The following CCSER1 variants were observed in gnomAD, a reference collection of about 807,000 sequenced individuals.
CCSER1 encodes coiled-coil serine rich protein 1.
Under a neutral mutation model 82.0 loss-of-function variants are expected in CCSER1, and 41 were observed. The observed-to-expected ratio is 0.50, with a 90% CI of 0.39 to 0.65. CCSER1 has a LOEUF of 0.65. Among genes scored for constraint, CCSER1 ranks in the 30% least tolerant of loss-of-function variants. CCSER1 has a pLI of 0.00. For synonymous variants in CCSER1, 414 were observed against 383.9 expected (o/e 1.08, Z -0.92); for missense variants, 1,119 against 1,064.2 (o/e 1.05, Z -0.72).
At chr4:90,859,919 ACAGTT>A (rs201137347) in intron 8 of CCSER1, among the ~76,000 whole-genome samples, 2,348 of 151,810 alleles carry the variant, frequency 0.015, 69 homozygotes, top group African/African-American at 0.053. Flanking sequence ...CTTCACTGAG[ACAGTT>A]GTATTTAAAA....
At chr4:90,612,466 A>G (rs17240838) in intron 5 of CCSER1, among the ~76,000 whole-genome samples, 17,951 of 152,160 alleles carry the variant, frequency 0.12, 1,245 homozygotes, top group Middle Eastern at 0.19. Flanking sequence ...CTACCAATGA[A>G]AAGAAACTTA....
At chr4:91,219,894 T>C (rs1257618234) in intron 10 of CCSER1, among the ~76,000 whole-genome samples, 1 of 152,180 alleles carries the variant, frequency 6.6e-6, no homozygotes, top group East Asian at 1.9e-4. Flanking sequence ...CAAATTTATA[T>C]AGATAGAAAT....
At chr4:90,888,718 GA>G (rs1213520769) in intron 8 of CCSER1, among the ~76,000 whole-genome samples, 2 of 151,842 alleles carry the variant, frequency 1.3e-5, no homozygotes, top group South Asian at 2.1e-4. Context: ...AGATACAAGT[GA>G]AAAAAAATTG....
At chr4:90,401,522 T>C (rs1752874167) in intron 4 of CCSER1, among the ~76,000 whole-genome samples, 1 of 152,164 alleles carries the variant, frequency 6.6e-6, no homozygotes, top group Non-Finnish European at 1.5e-5. Context: ...ATTGTAAGGA[T>C]ATATTATTTG....
chr4:91,552,801 T>A (rs1373439256), intron 10 of CCSER1, among the ~76,000 whole-genome samples: 8 of 151,664 alleles, frequency 5.3e-5, no homozygotes, highest in Non-Finnish European at 1.2e-4. Flanking sequence ...ATTTTCTATA[T>A]ATTAGATTCT....
At chr4:90,139,154 TAA>T (rs1220543114) in intron 1 of CCSER1, among the ~76,000 whole-genome samples, 2 of 152,302 alleles carry the variant, frequency 1.3e-5, no homozygotes, top group Admixed American at 6.5e-5. Flanking sequence ...ATCATTGCCC[TAA>T]GTTTCCAATG....
intron 5 of CCSER1, among the ~76,000 whole-genome samples, chr4:90,597,147 A>G (rs1232634590): frequency 6.6e-6 from 1 of 152,012 alleles, no homozygotes; most frequent in East Asian, 1.9e-4. Context: ...AAGTAAGCCC[A>G]TGGACTTTGT....
At chr4:91,112,843 T>A (rs1726205626) in intron 10 of CCSER1, 1 of 152,204 alleles carries the variant, frequency 6.6e-6, no homozygotes, top group South Asian at 2.1e-4. Flanking sequence ...AGAATATTAC[T>A]ACCTTCCCAT....
intron 7 of CCSER1, among the ~76,000 whole-genome samples, chr4:90,811,995 C>CACACACACATATATATATAT (rs367800484): frequency 7.0e-6 from 1 of 142,778 alleles, no homozygotes; most frequent in Non-Finnish European, 1.5e-5. Flanking sequence ...TATATAAACA[C>CACACACACATATATATATAT]ATATATATAT....
At chr4:90,692,035 GTATATATATATA>G (rs60193331) in intron 6 of CCSER1, among the ~76,000 whole-genome samples, 39 of 142,964 alleles carry the variant, frequency 2.7e-4, no homozygotes, top group South Asian at 4.4e-4. Flanking sequence ...TTCAATGTGT[GTATATATATATA>G]TATATATATA....
At chr4:90,248,162 T>C (rs1721779436) in intron 1 of CCSER1, among the ~76,000 whole-genome samples, 1 of 152,154 alleles carries the variant, frequency 6.6e-6, no homozygotes, top group African/African-American at 2.4e-5. Flanking sequence ...AAACACATGG[T>C]AAATTGGTAA....
intron 1 of CCSER1, among the ~76,000 whole-genome samples, chr4:90,254,954 G>A (rs1382637336): frequency 1.3e-5 from 2 of 148,272 alleles, no homozygotes; most frequent in East Asian, 4.0e-4. Context: ...AGTATATGTT[G>A]ATATACATAT....
intron 7 of CCSER1, among the ~76,000 whole-genome samples, chr4:90,727,841 C>G (rs749788746): frequency 2.6e-5 from 4 of 152,082 alleles, no homozygotes; most frequent in Non-Finnish European, 5.9e-5. Context: ...ACATTTTAGT[C>G]TCTTTTCCTA....
At chr4:90,976,136 A>G (rs1244786638) in intron 9 of CCSER1, among the ~76,000 whole-genome samples, 2 of 151,360 alleles carry the variant, frequency 1.3e-5, no homozygotes, top group East Asian at 3.9e-4. Flanking sequence ...AGAAAAGCCA[A>G]TTAACCTAAG....
At chr4:90,778,549 G>T (rs1204674115) in intron 7 of CCSER1, among the ~76,000 whole-genome samples, 1 of 139,110 alleles carries the variant, frequency 7.2e-6, no homozygotes. Flanking sequence ...AACACAAAAA[G>T]AAACCCATAC....
chr4:90,782,685 C>G (rs58631508), intron 7 of CCSER1, among the ~76,000 whole-genome samples: 1 of 133,982 alleles, frequency 7.5e-6, no homozygotes, highest in East Asian at 2.2e-4. Context: ...TTCTTTCTTT[C>G]TTTTTTTTTT....
chr4:90,392,996 T>C (rs1209449768), intron 3 of CCSER1, among the ~76,000 whole-genome samples: 1 of 152,184 alleles, frequency 6.6e-6, no homozygotes, highest in Non-Finnish European at 1.5e-5. Flanking sequence ...TACTGGTGTA[T>C]TGTTTTCTCT....
At chr4:90,873,354 C>A (rs1379664288) in intron 8 of CCSER1, among the ~76,000 whole-genome samples, 1 of 151,906 alleles carries the variant, frequency 6.6e-6, no homozygotes, top group East Asian at 1.9e-4. Context: ...TGAATCAATT[C>A]TGTTGGTGAG....
chr4:90,839,585 T>C (rs1227622154), intron 8 of CCSER1, among the ~76,000 whole-genome samples: 2 of 152,188 alleles, frequency 1.3e-5, no homozygotes, highest in African/African-American at 4.8e-5. Flanking sequence ...AGCCCTGCTT[T>C]AAGTGTGTTT....
Sources: gnomAD v4.1 joint callset for allele counts (sites outside exome capture counted in the v4.1 genomes callset) on GRCh38, gnomAD v4.1.1 for gene constraint, MANE v1.5 for transcripts, NCBI Gene and HGNC (gene_info 2026-07-23, HGNC 2026-07-21) for gene names.